DYNC1I1: variants seen among roughly 807,000 people sequenced by gnomAD.
DYNC1I1 encodes dynein cytoplasmic 1 intermediate chain 1, also known as cytoplasmic dynein 1 intermediate chain 1.
DYNC1I1 carries 43 observed loss-of-function variants against 86.6 expected under a neutral mutation model. The ratio of observed to expected loss-of-function variants is 0.50; its 90% confidence interval spans 0.39 to 0.64. DYNC1I1 has a LOEUF of 0.64. Among genes scored for constraint, DYNC1I1 ranks in the 30% least tolerant of loss-of-function variants. DYNC1I1 has a pLI of 0.00. For missense variants in DYNC1I1, 604 were observed against 788.8 expected, an observed-to-expected ratio of 0.77 and a Z score of 2.81; for synonymous variants, 262 against 283.7, an observed-to-expected ratio of 0.92 and a Z score of 0.77.
At chr7:95,863,199 A>G (rs1354196351) in intron 5 of DYNC1I1, among the ~76,000 whole-genome samples, 1 of 152,252 alleles carries the variant, frequency 6.6e-6, no homozygotes, top group Non-Finnish European at 1.5e-5. Flanking sequence ...AAAGAATGAC[A>G]TAATGATACA....
chr7:96,039,134 A>G (rs1254101876), intron 13 of DYNC1I1, 143 bp from the exon 14 acceptor site: 1 of 894,488 alleles, frequency 1.1e-6, no homozygotes, highest in Non-Finnish European at 1.6e-6. Flanking sequence ...GGATAACTGT[A>G]AAAATGATTT....
intron 14 of DYNC1I1, among the ~76,000 whole-genome samples, chr7:96,060,127 T>G (rs932981153): frequency 6.6e-6 from 1 of 152,224 alleles, no homozygotes; most frequent in Non-Finnish European, 1.5e-5. Context: ...AAAGTTCTAT[T>G]CACAGTATGA....
At chr7:95,880,206 C>A (rs960318281) in intron 6 of DYNC1I1, among the ~76,000 whole-genome samples, 2 of 152,184 alleles carry the variant, frequency 1.3e-5, no homozygotes, top group Admixed American at 1.3e-4. Context: ...GCCTGGAAAT[C>A]TAACCCAGTC....
chr7:96,085,170 C>T (rs1790642217), intron 16 of DYNC1I1, among the ~76,000 whole-genome samples: 1 of 152,142 alleles, frequency 6.6e-6, no homozygotes, highest in Non-Finnish European at 1.5e-5. Context: ...GCAGGGAGCC[C>T]CAGCTCAGTA....
At chr7:96,106,715 A>G (rs1423025488) in intron 16 of DYNC1I1, among the ~76,000 whole-genome samples, 1 of 152,154 alleles carries the variant, frequency 6.6e-6, no homozygotes, top group Non-Finnish European at 1.5e-5. Context: ...AAGTATTTGG[A>G]AAGTTTTCCA....
chr7:95,818,997 T>C (rs2115874767), intron 4 of DYNC1I1: 1 of 152,708 alleles, frequency 6.5e-6, no homozygotes, highest in Middle Eastern at 3.4e-3. Flanking sequence ...CAGCATTTCT[T>C]AACCCAAAAC....
intron 3 of DYNC1I1, among the ~76,000 whole-genome samples, chr7:95,811,045 A>G (rs976641431): frequency 6.6e-6 from 1 of 152,116 alleles, no homozygotes; most frequent in Non-Finnish European, 1.5e-5. Flanking sequence ...TTGTATTTTG[A>G]TTTGATTACT....
chr7:96,044,237 C>A (rs574413600), intron 14 of DYNC1I1, among the ~76,000 whole-genome samples: 1 of 152,072 alleles, frequency 6.6e-6, no homozygotes, highest in Non-Finnish European at 1.5e-5. Flanking sequence ...AATAAAGAAC[C>A]TTTAAAAGGC....
intron 13 of DYNC1I1, among the ~76,000 whole-genome samples, chr7:96,036,915 T>C (rs1051622703): frequency 2.0e-5 from 3 of 152,238 alleles, no homozygotes; most frequent in African/African-American, 7.2e-5. Context: ...AAAGGGTCAC[T>C]ATGTTCACAC....
intron 6 of DYNC1I1, among the ~76,000 whole-genome samples, chr7:95,963,245 C>G (rs1160613420): frequency 6.6e-6 from 1 of 152,128 alleles, no homozygotes; most frequent in African/African-American, 2.4e-5. Flanking sequence ...TAACCTCACC[C>G]CTATTTAATT....
downstream of DYNC1I1, among the ~76,000 whole-genome samples, chr7:96,100,128 CA>C (rs1791105531): frequency 6.6e-6 from 1 of 152,158 alleles, no homozygotes; most frequent in Admixed American, 6.5e-5. Flanking sequence ...CAAGTTTGAC[CA>C]AGGTCATGCT....
chr7:95,975,749 G>A (rs1793288308), intron 6 of DYNC1I1, among the ~76,000 whole-genome samples: 1 of 152,144 alleles, frequency 6.6e-6, no homozygotes, highest in African/African-American at 2.4e-5. Flanking sequence ...CATGGCTGCT[G>A]AATCTGTTAA....
intron 4 of DYNC1I1, among the ~76,000 whole-genome samples, chr7:95,823,650 C>T (rs1795131077): frequency 6.6e-6 from 1 of 151,984 alleles, no homozygotes; most frequent in African/African-American, 2.4e-5. Context: ...CATTCAGCAT[C>T]ACCTACTCTA....
intron 6 of DYNC1I1, among the ~76,000 whole-genome samples, chr7:95,938,550 T>C (rs1232069818): frequency 1.3e-5 from 2 of 152,176 alleles, no homozygotes; most frequent in Admixed American, 1.3e-4. Flanking sequence ...TGGCATCAGA[T>C]AGATCCAGCT....
At chr7:96,083,538 C>A (rs1219824882) in intron 16 of DYNC1I1, among the ~76,000 whole-genome samples, 2 of 152,108 alleles carry the variant, frequency 1.3e-5, no homozygotes, top group African/African-American at 2.4e-5. Flanking sequence ...ACTGACAGAA[C>A]ATAACTGTGC....
At chr7:95,902,117 A>G (rs1265467127) in intron 6 of DYNC1I1, among the ~76,000 whole-genome samples, 1 of 152,182 alleles carries the variant, frequency 6.6e-6, no homozygotes, top group African/African-American at 2.4e-5. Context: ...AAAGTGACCA[A>G]AGAAAGTTTG....
intron 10 of DYNC1I1, 69 bp downstream of exon 10, chr7:95,996,142 A>C: frequency 1.2e-6 from 2 of 1,603,056 alleles, no homozygotes; most frequent in Non-Finnish European, 1.7e-6. Context: ...GCTGCATTGC[A>C]TCTGTCTTAT....
chr7:95,780,307 G>A (rs1024726554), intron 1 of DYNC1I1, among the ~76,000 whole-genome samples: 2 of 149,514 alleles, frequency 1.3e-5, no homozygotes, highest in Admixed American at 6.7e-5. Context: ...AGTCTCTGTC[G>A]CCCAGGCTGG....
chr7:95,988,860 C>A (rs1793661354), intron 9 of DYNC1I1, among the ~76,000 whole-genome samples: 1 of 152,162 alleles, frequency 6.6e-6, no homozygotes, highest in Non-Finnish European at 1.5e-5. Flanking sequence ...GGCAGCCACC[C>A]TTACTATTTC....
Sources: gnomAD v4.1 joint callset for allele counts (sites outside exome capture counted in the v4.1 genomes callset) on GRCh38, gnomAD v4.1.1 for gene constraint, MANE v1.5 for transcripts, NCBI Gene and HGNC (gene_info 2026-07-23, HGNC 2026-07-21) for gene names.